LTBP1: variants seen among roughly 807,000 people sequenced by gnomAD.
LTBP1 encodes latent-transforming growth factor beta-binding protein 1.
Under a neutral mutation model 207.6 loss-of-function variants are expected in LTBP1, and 129 were observed. The observed-to-expected ratio is 0.62, with a 90% CI of 0.54 to 0.72. The LOEUF (loss-of-function observed/expected upper bound fraction) is 0.72. Among genes scored for constraint, LTBP1 ranks in the 30% least tolerant of loss-of-function variants. The probability of loss-of-function intolerance (pLI) is 0.00; values close to 1 mark genes in which losing one functional copy is unlikely to be tolerated. For synonymous variants in LTBP1, 963 were observed against 833.7 expected (o/e 1.16, Z -2.67); for missense variants, 2,281 against 2,217.2 (o/e 1.03, Z -0.58).
intron 3 of LTBP1, among the ~76,000 whole-genome samples, chr2:33,059,980 A>C (rs1181413169): frequency 6.6e-6 from 1 of 152,258 alleles, no homozygotes; most frequent in African/African-American, 2.4e-5. Context: ...GAAAATAGCT[A>C]AGAGAAGTTT....
At chr2:33,203,075 C>G (rs866760259) in intron 7 of LTBP1, among the ~76,000 whole-genome samples, 2 of 98,432 alleles carry the variant, frequency 2.0e-5, no homozygotes, top group Non-Finnish European at 4.4e-5. Flanking sequence ...TACTGAGTCT[C>G]TTGTGGCTCT....
chr2:33,384,797 A>G (rs1372593925), intron 31 of LTBP1, among the ~76,000 whole-genome samples: 1 of 152,160 alleles, frequency 6.6e-6, no homozygotes, highest in Non-Finnish European at 1.5e-5. Context: ...GCTGGACTGT[A>G]GCAGTGACCT....
At chr2:33,386,544 G>T (rs2095266731) in intron 31 of LTBP1, among the ~76,000 whole-genome samples, 2 of 152,180 alleles carry the variant, frequency 1.3e-5, no homozygotes, top group Admixed American at 6.5e-5. Context: ...AAGTACCTTG[G>T]CCAAGCACGG....
intron 9 of LTBP1, among the ~76,000 whole-genome samples, chr2:33,224,109 T>C (rs200734474): frequency 6.6e-6 from 1 of 152,172 alleles, no homozygotes. Context: ...TCTAACCTTA[T>C]ATGCTGTTCA....
At chr2:33,072,998 G>A (rs2077878023) in intron 3 of LTBP1, among the ~76,000 whole-genome samples, 1 of 152,230 alleles carries the variant, frequency 6.6e-6, no homozygotes, top group Admixed American at 6.5e-5. Context: ...GGGGGGAGTA[G>A]TCAGTAGTGT....
chr2:33,334,261 G>A (rs1184992616), intron 24 of LTBP1, among the ~76,000 whole-genome samples: 3 of 152,232 alleles, frequency 2.0e-5, no homozygotes, highest in Non-Finnish European at 2.9e-5. Context: ...AGAAGGTGAT[G>A]CAGGGGCAGA....
chr2:33,371,071 A>G (rs2095061844), intron 31 of LTBP1, among the ~76,000 whole-genome samples: 2 of 152,176 alleles, frequency 1.3e-5, no homozygotes, highest in South Asian at 4.1e-4. Flanking sequence ...TACCACATGC[A>G]GGGGAAATGA....
intron 20 of LTBP1, among the ~76,000 whole-genome samples, chr2:33,296,245 C>CT (rs2148903520): frequency 6.6e-6 from 1 of 151,840 alleles, no homozygotes; most frequent in Admixed American, 6.6e-5. Context: ...TTTTCATCTG[C>CT]TTGTTGATAA....
intron 22 of LTBP1, among the ~76,000 whole-genome samples, chr2:33,308,517 A>G (rs1200027525): frequency 6.6e-6 from 1 of 152,150 alleles, no homozygotes; most frequent in African/African-American, 2.4e-5. Flanking sequence ...TACTATAAGT[A>G]AATTTACAGA....
chr2:33,117,045 A>G (rs1471362337), intron 4 of LTBP1, among the ~76,000 whole-genome samples: 1 of 152,148 alleles, frequency 6.6e-6, no homozygotes, highest in Non-Finnish European at 1.5e-5. Flanking sequence ...CCAGCCATCA[A>G]TCACGGGCTG....
chr2:33,321,776 C>G (rs2149345142), intron 24 of LTBP1, among the ~76,000 whole-genome samples: 2 of 152,248 alleles, frequency 1.3e-5, no homozygotes, highest in Middle Eastern at 3.4e-3. Flanking sequence ...GAAAACTGTA[C>G]TAAGAGATGA....
chr2:33,260,547 ATGG>A (rs2092982452), intron 13 of LTBP1, among the ~76,000 whole-genome samples: 2 of 152,244 alleles, frequency 1.3e-5, no homozygotes, highest in Admixed American at 6.5e-5. Context: ...TCTTATAATT[ATGG>A]GATAGAGTAA....
At chr2:33,188,126 A>T (rs6740275) in intron 6 of LTBP1, among the ~76,000 whole-genome samples, 4,415 of 152,284 alleles carry the variant, frequency 0.029, 215 homozygotes, top group African/African-American at 0.1. Context: ...TGCCCTTAAG[A>T]ATTGTGATGG....
At chr2:33,113,942 G>C (rs548064587) in intron 4 of LTBP1, among the ~76,000 whole-genome samples, 1 of 152,348 alleles carries the variant, frequency 6.6e-6, no homozygotes, top group Non-Finnish European at 1.5e-5. Context: ...CCAGGCTCAA[G>C]TGATTCTCCT....
intron 26 of LTBP1, among the ~76,000 whole-genome samples, chr2:33,352,963 A>T (rs1382963982): frequency 3.5e-5 from 5 of 143,726 alleles, no homozygotes; most frequent in Non-Finnish European, 7.5e-5. Context: ...CCCCCTTGTA[A>T]GCCTTTCTTT....
chr2:33,129,497 A>G (rs2081631973), intron 4 of LTBP1, among the ~76,000 whole-genome samples: 1 of 152,264 alleles, frequency 6.6e-6, no homozygotes, highest in African/African-American at 2.4e-5. Context: ...AGAAGTTTCC[A>G]TCATGTGTCA....
intron 7 of LTBP1, among the ~76,000 whole-genome samples, chr2:33,216,147 A>T (rs2090681159): frequency 6.6e-6 from 1 of 152,212 alleles, no homozygotes. Flanking sequence ...GTGTACTGGA[A>T]TATAAACATA....
intron 11 of LTBP1, 95 bp from the exon 12 acceptor site, chr2:33,257,189 A>C (rs1357259922): frequency 4.6e-6 from 4 of 877,564 alleles, no homozygotes; most frequent in African/African-American, 3.3e-5. Flanking sequence ...TACATTAGTG[A>C]TGATTTATTA....
chr2:33,078,775 A>C (rs2078219149), intron 3 of LTBP1, among the ~76,000 whole-genome samples: 1 of 152,006 alleles, frequency 6.6e-6, no homozygotes, highest in Non-Finnish European at 1.5e-5. Flanking sequence ...CAGCTCAATA[A>C]GGTGATTACC....
Sources: gnomAD v4.1 joint callset for allele counts (sites outside exome capture counted in the v4.1 genomes callset) on GRCh38, gnomAD v4.1.1 for gene constraint, MANE v1.5 for transcripts, NCBI Gene and HGNC (gene_info 2026-07-23, HGNC 2026-07-21) for gene names.